The following LOXL3 variants were observed in gnomAD, a reference collection of about 807,000 sequenced individuals.
The protein encoded by LOXL3 is lysyl oxidase like 3.
LOXL3 carries 60 observed loss-of-function variants against 91.8 expected under a neutral mutation model. The observed-to-expected ratio is 0.65, with a 90% CI of 0.53 to 0.81. The LOEUF is 0.81. LOXL3 is among the 30% of genes least tolerant of loss of function. The pLI, the probability that LOXL3 is intolerant of heterozygous loss-of-function variation, is 0.00. For missense variants in LOXL3, 874 were observed against 1,000.4 expected (o/e 0.87, Z 1.70); for synonymous variants, 355 against 387.6 (o/e 0.92, Z 0.99).
chr2:74,554,748 G>C (rs200362897), upstream of LOXL3: 7 of 1,612,838 alleles, frequency 4.3e-6, no homozygotes, highest in East Asian at 2.2e-5. The surrounding 1 kb of genome is among the most constrained non-coding windows in gnomAD (Gnocchi z 4.9). Flanking sequence ...AGGAACCGCC[G>C]GGGGCCATGG....
chr2:74,536,307 G>C lies in LOXL3; in HGVS notation c.1077C>G (p.Gly359=), dbSNP rs752476018. The change falls in exon 6 of 14, where the codon GGC becomes GGG. Residue 359 remains glycine (G), a synonymous_variant. Coordinates refer to ENST00000264094, the MANE Select transcript of LOXL3 (RefSeq NM_032603.5). This position sits in a 1 kb window ranked among gnomAD's most constrained non-coding sequence, Gnocchi z 4.5. ...GFGSAREALS[G]ARMGQGMGAI... The stretch of plus-strand genomic sequence containing the variant: ...CCACCTCACCCTGCCCCATGCGAGC[G>C]CCACTCAGAGCTTCTCGAGCACTCC... The C allele has an allele frequency of 1.2e-6, 2 of 1,613,436 alleles. No individual in the cohort carries two copies. The highest frequency in any genetic ancestry group is 3.3e-4 in the Middle Eastern group (2 of 6,062).
upstream of LOXL3, chr2:74,554,831 A>G (rs1677297673): frequency 1.2e-6 from 2 of 1,613,828 alleles, no homozygotes; most frequent in East Asian, 2.2e-5. The surrounding 1 kb of genome is among the most constrained non-coding windows in gnomAD (Gnocchi z 4.9). Flanking sequence ...TGGCGCATGG[A>G]TGCCGAACCT....
intron 4 of LOXL3, among the ~76,000 whole-genome samples, chr2:74,541,374 G>T (rs1159197244): frequency 6.6e-6 from 1 of 152,174 alleles, no homozygotes; most frequent in Non-Finnish European, 1.5e-5. Flanking sequence ...TTAAATATAC[G>T]TATATATTTT....
At position 74,549,955 on chromosome 2, in the gene LOXL3, C is replaced by A; in HGVS notation, c.477+230G>T. 1 of 985,440 alleles carries A rather than the reference C, an allele frequency of 1.0e-6. No individual in the cohort carries two copies. The highest frequency in any genetic ancestry group is 1.2e-6 in the Non-Finnish European group (1 of 829,924). The allele number at this position is 985,440 out of a possible 1,614,324, so 61.0% of individuals were successfully genotyped here. On this transcript the variant is annotated intron_variant, in intron 3 of 13. Transcript: ENST00000264094. The surrounding 1 kb of genome is among the most constrained non-coding windows in gnomAD (Gnocchi z 5.3). ...AGAGCACCAGGTGCCCCAGGGGTGA[C>A]TAGGGATGAAGCTGGAGAGGCTCAT...
At chr2:74,552,853 C>T in intron 1 of LOXL3, 1 of 540,282 alleles carries the variant, frequency 1.9e-6, no homozygotes, top group South Asian at 2.7e-5. Flanking sequence ...CATAGAGGCA[C>T]AGCCTGAGAG....
chr2:74,536,874 C>T lies in LOXL3; in HGVS notation c.747G>A (p.Val249=), dbSNP rs533307669. 2 of 1,614,186 alleles carry T rather than the reference C, an allele frequency of 1.2e-6. No homozygotes were observed. Among genetic ancestry groups the T allele is most frequent in the Admixed American group, 1.7e-5 (1 of 60,034 alleles). The change falls in exon 5 of 14, where the codon GTG becomes GTA. Residue 249 remains valine, a synonymous_variant. Coordinates refer to ENST00000264094, the MANE Select transcript of LOXL3 (RefSeq NM_032603.5). This position sits in a 1 kb window ranked among gnomAD's most constrained non-coding sequence, Gnocchi z 4.5. ...HSFGLHGVAC[V]GTEAHLSLCS... is the part of the protein sequence containing the mutation. ...AGAGGGAGAGGTGGGCCTCCGTGCC[C>T]ACGCACGCCACCCCATGCAGACCAA... is the stretch of plus-strand genomic sequence containing the variant.
chr2:74,549,576 T>C lies in LOXL3; in HGVS notation c.485A>G (p.His162Arg), dbSNP rs1249867066. 6.2e-7 allele frequency: 1 copy of C among 1,607,512 alleles called. No individual in the cohort carries two copies. The highest frequency in any genetic ancestry group is 1.3e-5 in the African/African-American group (1 of 74,980). The change falls in exon 4 of 14, where the codon CAT becomes CGT. Residue 162 changes from histidine to arginine, a missense_variant. Transcript: ENST00000264094. The surrounding 1 kb of genome is among the most constrained non-coding windows in gnomAD (Gnocchi z 5.3). Reference sequence around the variant, plus strand: ...TCGCACCTCCTCCACTTGCAGGTGATGCTCTACCTGGGGGCGGGGCCACAA... The same window carrying C: ...TCGCACCTCCTCCACTTGCAGGTGACGCTCTACCTGGGGGCGGGGCCACAA... ...FSDSNVIEVE[H>R]HLQVEEVRIR...
chr2:74,534,595 G>T lies in LOXL3; in HGVS notation c.1759C>A (p.Leu587Met), dbSNP rs1675880441. 6.2e-7 allele frequency: 1 copy of T among 1,614,144 alleles called. No homozygotes were observed. The highest frequency in any genetic ancestry group is 1.3e-5 in the African/African-American group (1 of 74,954). The change falls in exon 10 of 14, where the codon CTG becomes ATG. Residue 587 changes from leucine to methionine, a missense_variant. Transcript: ENST00000264094. Reference protein sequence around the residue: ...LLRFSSQIHNLGRADFRPKAG... With the variant: ...LLRFSSQIHNMGRADFRPKAG... ...TTGGGCCTGAAGTCAGCTCGTCCCA[G>T]GTTGTGGATCTGGGAGGAGAATCGG...
intron 4 of LOXL3, among the ~76,000 whole-genome samples, chr2:74,547,726 A>AT (rs779077897): frequency 5.3e-5 from 8 of 152,100 alleles, no homozygotes; most frequent in Non-Finnish European, 1.0e-4. Context: ...CAATCTACAC[A>AT]TAAGTAATAT....
intron 2 of LOXL3, among the ~76,000 whole-genome samples, chr2:74,551,446 C>T (rs770445057): frequency 3.3e-5 from 5 of 152,248 alleles, no homozygotes; most frequent in Non-Finnish European, 5.9e-5. Flanking sequence ...CTGATTCATT[C>T]CTTTGGTGCC....
chr2:74,532,477 A>G lies in LOXL3; in HGVS notation c.*1129T>C, dbSNP rs902530666. The G allele has an allele frequency of 1.1e-4, 76 of 711,742 alleles. No individual in the cohort carries two copies. Among genetic ancestry groups the G allele is most frequent in the Non-Finnish European group, 1.6e-4 (65 of 394,210 alleles). The allele number at this position is 711,742 out of a possible 1,614,324, so 44.1% of individuals were successfully genotyped here. A position where few individuals can be genotyped will look rare whatever the true frequency, so the allele number is the denominator to read the frequency against. On this transcript the variant is annotated 3_prime_UTR_variant, in exon 14 of 14. Transcript: ENST00000264094. ...TGCACTTTATTGCTAGAAGACAGAA[A>G]GTGAGTTGCCATTGTATTTTGTAGT...
rs1031488108 is a variant in LOXL3, at chr2:74,533,893, T to C, written c.2177A>G (p.Asn726Ser). 6 of 1,613,246 alleles carry C rather than the reference T, an allele frequency of 3.7e-6. No individual in the cohort carries two copies. In the African/African-American group the frequency reaches 5.3e-5, roughly 14 times the overall value. Residue 726 changes from asparagine (N) to serine (S), a missense_variant, in exon 13 of 14, where the codon AAC (asparagine) becomes AGC (serine). Transcript: ENST00000264094. ...TTCCCATCAAATACCAATGTGGCAG[T>C]TGTGCACCCAGATTCTATGTCCATC... ...KYDGHRIWVH[N>S]CHIGDAFSEE...
chr2:74,534,165 G>A lies in LOXL3; in HGVS notation c.2011C>T (p.Arg671Trp), dbSNP rs368539606. 3.5e-5 allele frequency: 57 copies of A among 1,614,026 alleles called. No homozygotes were observed. Among genetic ancestry groups the A allele is most frequent in the Non-Finnish European group, 4.7e-5 (55 of 1,180,030 alleles). The change falls in exon 12 of 14, where the codon CGG (arginine) becomes TGG (tryptophan). Residue 671 changes from arginine to tryptophan, a missense_variant. Physicochemically the swap from Arg to Trp is moderately radical, Grantham distance 101. Coordinates refer to ENST00000264094, the MANE Select transcript of LOXL3 (RefSeq NM_032603.5). ...ATCCACTGACAGTCAATGTCATGCC[G>A]GTAGAGATCCCAGCAACCCACAGTG... ...GITVGCWDLY[R>W]HDIDCQWIDI...
intron 12 of LOXL3, 53 bp from the exon 13 acceptor site, chr2:74,534,046 G>T: frequency 6.2e-7 from 1 of 1,611,768 alleles, no homozygotes; most frequent in South Asian, 1.1e-5. Context: ...GAATTCAAAG[G>T]TGTCTTTAAC....
rs148186148 is a variant in LOXL3, at chr2:74,536,358, G to A, written c.1026C>T (p.Ser342=). The A allele has an allele frequency of 5.6e-5, 90 of 1,613,920 alleles. No individual in the cohort carries two copies. The highest frequency in any genetic ancestry group is 1.3e-4 in the Admixed American group (8 of 60,000). ...CGAAGCCCAGCTCCCGACACACCAC[G>A]CTGGCTGCATGCAGGTCCCACTTGC... ...CDRKWDLHAA[S]VVCRELGFGS... The change falls in exon 6 of 14, where the codon AGC becomes AGT. Residue 342 remains serine, a synonymous_variant. Transcript: ENST00000264094. This position sits in a 1 kb window ranked among gnomAD's most constrained non-coding sequence, Gnocchi z 4.5.
chr2:74,542,520 GCACA>G (rs146466764), intron 4 of LOXL3, among the ~76,000 whole-genome samples: 1 of 145,464 alleles, frequency 6.9e-6, no homozygotes, highest in African/African-American at 2.5e-5. Context: ...TCCTACACAT[GCACA>G]CACACACACA....
In LOXL3 at chr2:74,534,238, T is replaced by G. The variant is rs748163885; in HGVS notation, c.1940-2A>C. On this transcript the variant is annotated splice_acceptor_variant, in intron 11 of 13. Coordinates refer to ENST00000264094, the MANE Select transcript of LOXL3 (RefSeq NM_032603.5). LOFTEE classifies it high-confidence loss of function. ...CACACTCATACCGCTTGGAGACATCTGGAGGGATTGGCATATGTCAGTGTA... is the reference window on the plus strand; with the variant it reads ...CACACTCATACCGCTTGGAGACATCGGGAGGGATTGGCATATGTCAGTGTA... 9.3e-6 allele frequency: 15 copies of G among 1,614,094 alleles called. No individual in the cohort carries two copies. In the Admixed American group the frequency reaches 1.0e-4, roughly 11 times the overall value.
At position 74,536,868 on chromosome 2, in the gene LOXL3, C is replaced by T. The variant is rs756534259; in HGVS notation, c.753G>A (p.Thr251=). Residue 251 remains threonine (T), a synonymous_variant, in exon 5 of 14, where the codon ACG becomes ACA. Transcript: ENST00000264094. This position sits in a 1 kb window ranked among gnomAD's most constrained non-coding sequence, Gnocchi z 4.5. ...FGLHGVACVG[T]EAHLSLCSLE... ...GGGAACAGAGGGAGAGGTGGGCCTC[C>T]GTGCCCACGCACGCCACCCCATGCA... 63 of 1,614,072 alleles carry T rather than the reference C, an allele frequency of 3.9e-5. No individual in the cohort carries two copies. The highest frequency in any genetic ancestry group is 6.7e-5 in the African/African-American group (5 of 74,948).
At chr2:74,554,761 G>C (rs368294305), upstream of LOXL3, 81 of 1,613,288 alleles carry the variant, frequency 5.0e-5, no homozygotes, top group Middle Eastern at 3.4e-4. The surrounding 1 kb of genome is among the most constrained non-coding windows in gnomAD (Gnocchi z 4.9). Flanking sequence ...GGCCATGGAC[G>C]GAGCAGTGAT....
Sources: allele counts gnomAD v4.1 joint callset (sites outside exome capture counted in the v4.1 genomes callset), GRCh38; gene constraint gnomAD v4.1.1; non-coding constraint Gnocchi (gnomAD v3.1); transcripts MANE v1.5; gene names NCBI Gene and HGNC (gene_info 2026-07-23, HGNC 2026-07-21).